Variants in CFAP144 observed in about 807,000 individuals in gnomAD.
CFAP144 encodes cilia- and flagella-associated protein 144.
the CFAP144 span, chr1:43,152,767 C>T: frequency 4.0e-6 from 6 of 1,498,510 alleles, no homozygotes; most frequent in Middle Eastern, 1.8e-4. Flanking sequence ...CAGGAAAGGG[C>T]ACAGGACCAA....
the CFAP144 span, among the ~76,000 whole-genome samples, chr1:43,144,248 AC>A: frequency 2.6e-5 from 4 of 152,010 alleles, no homozygotes; most frequent in Admixed American, 2.0e-4. Context: ...TCCCATGACA[AC>A]TCTTAAACCT....
At chr1:43,148,000 A>G in the CFAP144 span, 6 of 1,613,928 alleles carry the variant, frequency 3.7e-6, no homozygotes, top group Non-Finnish European at 5.1e-6. Context: ...GGTCCATCAG[A>G]ACCAGATCTT....
the CFAP144 span, chr1:43,145,370 C>T: frequency 8.6e-7 from 1 of 1,160,078 alleles, no homozygotes; most frequent in Admixed American, 2.0e-5. Context: ...CACAAGGTCC[C>T]TGCTGTAGAT....
the CFAP144 span, chr1:43,150,840 A>T: frequency 6.3e-7 from 1 of 1,595,064 alleles, no homozygotes; most frequent in Non-Finnish European, 8.6e-7. Context: ...GGGCTTTGAA[A>T]TGCCATTGAG....
the CFAP144 span, among the ~76,000 whole-genome samples, chr1:43,144,861 A>C: frequency 1.3e-5 from 2 of 152,026 alleles, no homozygotes; most frequent in Non-Finnish European, 2.9e-5. Flanking sequence ...ATGACAATTC[A>C]CAGCTCTCAT....
chr1:43,151,044 A>T, the CFAP144 span, among the ~76,000 whole-genome samples: 1 of 152,240 alleles, frequency 6.6e-6, no homozygotes. Context: ...AATTTTTAAA[A>T]GATGGACATA....
At chr1:43,147,885 C>T in the CFAP144 span, 1 of 1,589,608 alleles carries the variant, frequency 6.3e-7, no homozygotes, top group Non-Finnish European at 8.6e-7. Context: ...TGCCTGGAGA[C>T]AGCGGGGACG....
chr1:43,145,290 T>C, the CFAP144 span: 2 of 1,549,238 alleles, frequency 1.3e-6, no homozygotes, highest in Non-Finnish European at 1.7e-6. Flanking sequence ...TAATGTGTTC[T>C]CTGGAGGGTA....
chr1:43,156,159 C>A, the CFAP144 span: 1 of 1,556,782 alleles, frequency 6.4e-7, no homozygotes, highest in Non-Finnish European at 8.9e-7. Context: ...CCCAGGTCCT[C>A]CTGCATCCTC....
chr1:43,151,688 C>T, the CFAP144 span, among the ~76,000 whole-genome samples: 2 of 152,178 alleles, frequency 1.3e-5, no homozygotes, highest in African/African-American at 4.8e-5. Context: ...AACCTGATCC[C>T]TCTTGGAAAG....
the CFAP144 span, among the ~76,000 whole-genome samples, chr1:43,146,560 G>A: frequency 2.0e-5 from 3 of 152,222 alleles, no homozygotes; most frequent in East Asian, 5.8e-4. Context: ...ACCATTAAGA[G>A]ACTAAAATGG....
At chr1:43,150,874 G>C in the CFAP144 span, 1 of 1,453,454 alleles carries the variant, frequency 6.9e-7, no homozygotes, top group Non-Finnish European at 9.5e-7. Flanking sequence ...AGGCAGGCTG[G>C]CTGGAGAGAC....
At chr1:43,151,083 G>A in the CFAP144 span, among the ~76,000 whole-genome samples, 42 of 152,238 alleles carry the variant, frequency 2.8e-4, no homozygotes, top group Admixed American at 2.2e-3. Context: ...GCCAACTAAC[G>A]TTCCTATTGA....
the CFAP144 span, among the ~76,000 whole-genome samples, chr1:43,149,261 A>G: frequency 6.6e-6 from 1 of 152,130 alleles, no homozygotes; most frequent in African/African-American, 2.4e-5. Context: ...GCTTCATGCC[A>G]TACTCCTCTC....
chr1:43,148,184 A>AC, the CFAP144 span: 2 of 1,291,486 alleles, frequency 1.5e-6, no homozygotes, highest in Non-Finnish European at 2.1e-6. Flanking sequence ...CCCAGCAAAA[A>AC]CTCTTTCCCC....
chr1:43,150,811 C>T, the CFAP144 span: 3 of 1,609,454 alleles, frequency 1.9e-6, no homozygotes, highest in East Asian at 2.2e-5. Flanking sequence ...CCTGGAGGAA[C>T]CTGCAGATGG....
the CFAP144 span, chr1:43,153,082 A>G: frequency 5.0e-5 from 48 of 955,660 alleles, 2 homozygotes; most frequent in South Asian, 8.0e-4. Context: ...CTTATGACTC[A>G]GTTTAATTGT....
the CFAP144 span, chr1:43,148,041 C>A: frequency 6.2e-7 from 1 of 1,613,944 alleles, no homozygotes. Flanking sequence ...AGCTACGAAC[C>A]CAGAAACTCT....
At chr1:43,154,100 A>ATATATATG in the CFAP144 span, among the ~76,000 whole-genome samples, 1 of 95,540 alleles carries the variant, frequency 1.0e-5, no homozygotes, top group Non-Finnish European at 2.2e-5. Context: ...ATATATATAT[A>ATATATATG]CTCTCTTTTT....
Sources: allele counts gnomAD v4.1 joint callset (sites outside exome capture counted in the v4.1 genomes callset), GRCh38; gene constraint gnomAD v4.1.1; transcripts MANE v1.5; gene names NCBI Gene and HGNC (gene_info 2026-07-23, HGNC 2026-07-21).